TMEM132E: variants seen among roughly 807,000 people sequenced by gnomAD.
The protein encoded by TMEM132E is transmembrane protein 132E.
In TMEM132E, 49 loss-of-function variants were observed where a neutral mutation model predicts 78.5. The observed-to-expected ratio is 0.62, with a 90% CI of 0.50 to 0.79. The LOEUF is 0.79. TMEM132E is among the 30% of genes least tolerant of loss of function. The probability of loss-of-function intolerance (pLI) is 0.00; values close to 1 mark genes in which losing one functional copy is unlikely to be tolerated. For missense variants in TMEM132E, 1,403 were observed against 1,470.9 expected, an observed-to-expected ratio of 0.95 and a Z score of 0.75; for synonymous variants, 715 against 670.6, an observed-to-expected ratio of 1.07 and a Z score of -1.02.
At position 34,626,132 on chromosome 17, in the gene TMEM132E, G is replaced by A. The variant is rs1260667542; in HGVS notation, c.73G>A (p.Gly25Ser). ...CLSALLAHAS[G>S]RSHPASPSPP... ...TTTCCTCTGTCTGTCCCCAGCCTCTGGCCGCTCCCACCCGGCCAGCCCCAG... is the reference window on the plus strand; with the variant it reads ...TTTCCTCTGTCTGTCCCCAGCCTCTAGCCGCTCCCACCCGGCCAGCCCCAG... The change falls in exon 2 of 9, where the codon GGC becomes AGC. Residue 25 changes from glycine (G) to serine (S), a missense_variant. Transcript: ENST00000631683. 6.6e-7 allele frequency: 1 copy of A among 1,517,264 alleles called. No individual in the cohort carries two copies. The highest frequency in any genetic ancestry group is 1.3e-5 in the South Asian group (1 of 75,200). 94.0% of individuals were successfully genotyped at this position (1,517,264 alleles called of 1,614,324 possible). A position where few individuals can be genotyped will look rare whatever the true frequency, so the allele number is the denominator to read the frequency against.
intron 1 of TMEM132E, among the ~76,000 whole-genome samples, chr17:34,590,261 C>A (rs531664810): frequency 1.9e-4 from 29 of 152,360 alleles, no homozygotes; most frequent in African/African-American, 2.6e-4. Context: ...AATCCTCCCC[C>A]CCGGAGCTGG....
Position 34,629,916 on chromosome 17 carries a change from G to GC in TMEM132E, c.1339-92_1339-91insC, listed in dbSNP as rs1034493817. The GC allele has an allele frequency of 3.8e-5, 54 of 1,404,160 alleles. No homozygotes were observed. In the South Asian group the frequency reaches 4.1e-4, roughly 11 times the overall value. The allele number at this position is 1,404,160 out of a possible 1,614,324, so 87.0% of individuals were successfully genotyped here. On this transcript the variant is annotated intron_variant, in intron 4 of 8. Transcript: ENST00000631683. ...TGGAAGGATGTGCATCTGAGGAGTG[G>GC]GGGGGGAGCGTCCAGGAGCTGGGGC...
intron 7 of TMEM132E, 166 bp from the exon 8 acceptor site, chr17:34,635,841 T>C (rs1246678189): frequency 8.9e-6 from 5 of 563,022 alleles, no homozygotes; most frequent in Non-Finnish European, 1.4e-5. Context: ...TGGACACTGG[T>C]TCCTGGTTGC....
At chr17:34,584,138 G>A (rs998546345) in intron 1 of TMEM132E, among the ~76,000 whole-genome samples, 3 of 152,228 alleles carry the variant, frequency 2.0e-5, no homozygotes. Context: ...CACACTCATT[G>A]CCCTGGCATC....
At position 34,626,316 on chromosome 17, in the gene TMEM132E, A is replaced by C. The variant is rs147874855; in HGVS notation, c.257A>C (p.Glu86Ala). 1,204 of 1,612,146 alleles carry C rather than the reference A, an allele frequency of 7.5e-4. 13 individuals carry two copies. The highest frequency in any genetic ancestry group is 5.1e-3 in the South Asian group (465 of 90,640). The stretch of plus-strand genomic sequence containing the variant: ...CCCTTCGTGGTGTTCCAGACCAAGG[A>C]GCTGCCGGTCCTCAACGTCTCTCTG... ...SEPFVVFQTK[E>A]LPVLNVSLGP... The change falls in exon 2 of 9, where the codon GAG becomes GCG. Residue 86 changes from glutamate to alanine, a missense_variant. Around this residue, in one of 3 missense-constraint regions of TMEM132E, gnomAD observed 511 missense variants for 499.0 expected, o/e 1.02. Coordinates refer to ENST00000631683, the MANE Select transcript of TMEM132E (RefSeq NM_001304438.2).
At position 34,613,374 on chromosome 17, in the gene TMEM132E, C is replaced by T. The variant is rs182085229; in HGVS notation, c.68-12753C>T. Among the ~76,000 whole-genome samples, 414 of 151,308 alleles carry T rather than the reference C, an allele frequency of 2.7e-3. 5 individuals are homozygous for T. Among genetic ancestry groups the T allele is most frequent in the African/African-American group, 9.5e-3 (390 of 41,230 alleles). ...TGTAACTCTGAGAGCAGCCCCCTCC[C>T]CCGCACTCCCCTCCCCCGCTGCTCC... On this transcript the variant is annotated intron_variant, in intron 1 of 8. Coordinates refer to ENST00000631683, the MANE Select transcript of TMEM132E (RefSeq NM_001304438.2).
chr17:34,589,998 C>T (rs1277979381), intron 1 of TMEM132E, among the ~76,000 whole-genome samples: 2 of 152,212 alleles, frequency 1.3e-5, no homozygotes, highest in Admixed American at 6.5e-5. Flanking sequence ...TGCCATCAGC[C>T]AGCCCCATGC....
At chr17:34,635,181 C>A in intron 7 of TMEM132E, 94 bp downstream of exon 7, 1 of 1,362,150 alleles carries the variant, frequency 7.3e-7, no homozygotes, top group Non-Finnish European at 9.8e-7. Context: ...CCCCAACTGG[C>A]CCCCAGAACA....
intron 2 of TMEM132E, 60 bp downstream of exon 2, chr17:34,627,117 T>C: frequency 2.0e-5 from 13 of 642,820 alleles, no homozygotes; most frequent in Non-Finnish European, 3.4e-5. Flanking sequence ...CATACCTGAC[T>C]CCTTGTGGGT....
chr17:34,627,196 A>G, intron 2 of TMEM132E, 139 bp downstream of exon 2: 1 of 928,618 alleles, frequency 1.1e-6, no homozygotes, highest in South Asian at 1.6e-5. Context: ...TCTGTCACTT[A>G]GCACTTGAGC....
At chr17:34,629,970 G>C (rs560686959) in intron 4 of TMEM132E, 38 bp from the exon 5 acceptor site, 1 of 1,573,616 alleles carries the variant, frequency 6.4e-7, no homozygotes, top group Admixed American at 1.7e-5. Flanking sequence ...GGACAGAAGG[G>C]GACCACAAGT....
chr17:34,628,607 G>C lies in TMEM132E; in HGVS notation c.1043G>C (p.Arg348Pro), dbSNP rs756772108. The change falls in exon 3 of 9, where the codon CGG becomes CCG. Residue 348 changes from arginine (R) to proline (P), a missense_variant. Physicochemically the swap from Arg to Pro is moderately radical, Grantham distance 103 (BLOSUM62 -2). This residue lies in a region of TMEM132E where 511 missense variants were observed against 499.0 expected (regional missense o/e 1.02). Coordinates refer to ENST00000631683, the MANE Select transcript of TMEM132E (RefSeq NM_001304438.2). ...KGVTLLGTKS[R>P]SGQWHVTSEL... is the part of the protein sequence containing the mutation. ...GTGACCCTTTTAGGTACCAAGTCAC[G>C]GAGTGGCCAGTGGCATGTGACCTCG... is the stretch of plus-strand genomic sequence containing the variant. The C allele has an allele frequency of 2.5e-6, 4 of 1,613,962 alleles. No individual in the cohort carries two copies. The highest frequency in any genetic ancestry group is 3.3e-5 in the Admixed American group (2 of 59,966).
intron 6 of TMEM132E, among the ~76,000 whole-genome samples, chr17:34,634,216 T>C (rs77633931): frequency 0.022 from 3,336 of 152,300 alleles, 133 homozygotes; most frequent in African/African-American, 0.076. Flanking sequence ...AGGCTGAGAA[T>C]TTCCCAAATC....
chr17:34,632,945 C>G, intron 6 of TMEM132E, 36 bp downstream of exon 6: 1 of 1,608,238 alleles, frequency 6.2e-7, no homozygotes, highest in Non-Finnish European at 8.5e-7. Context: ...ACTTGGGAAA[C>G]TCATGGGTGG....
At chr17:34,612,273 C>G (rs771809909) in intron 1 of TMEM132E, among the ~76,000 whole-genome samples, 3 of 152,190 alleles carry the variant, frequency 2.0e-5, no homozygotes, top group Non-Finnish European at 4.4e-5. Context: ...GGAAACCAAG[C>G]TAAGACTCAA....
chr17:34,603,027 GAGGCTGTGTCCTCCCAGCCT>G (rs1258555421), intron 1 of TMEM132E, among the ~76,000 whole-genome samples: 2 of 152,138 alleles, frequency 1.3e-5, no homozygotes, highest in East Asian at 3.9e-4. Flanking sequence ...GGGAGGCACA[GAGGCTGTGTCCTCCCAGCCT>G]AGGCCTGTCT....
intron 1 of TMEM132E, among the ~76,000 whole-genome samples, chr17:34,607,533 A>C (rs1161130267): frequency 1.3e-5 from 2 of 152,214 alleles, no homozygotes; most frequent in Non-Finnish European, 1.5e-5. Flanking sequence ...ATGGGTGTCC[A>C]CAATTCAATT....
chr17:34,604,738 G>A (rs1906356151), intron 1 of TMEM132E, among the ~76,000 whole-genome samples: 1 of 152,224 alleles, frequency 6.6e-6, no homozygotes, highest in Non-Finnish European at 1.5e-5. Context: ...GGGAAAGAAT[G>A]CATTTTGAGG....
chr17:34,627,203 G>A, intron 2 of TMEM132E, 146 bp downstream of exon 2: 1 of 886,986 alleles, frequency 1.1e-6, no homozygotes, highest in Admixed American at 2.3e-5. Context: ...CTTAGCACTT[G>A]AGCAACCTCA....
Sources: gnomAD v4.1 joint callset for allele counts (sites outside exome capture counted in the v4.1 genomes callset) on GRCh38, gnomAD v4.1.1 for gene constraint, gnomAD v4.1.1 regional missense constraint, MANE v1.5 for transcripts, NCBI Gene and HGNC (gene_info 2026-07-23, HGNC 2026-07-21) for gene names.